The following TRIP4 variants were observed in gnomAD, a reference collection of about 807,000 sequenced individuals.
The protein encoded by TRIP4 is thyroid hormone receptor interactor 4.
TRIP4 carries 54 observed loss-of-function variants against 81.8 expected under a neutral mutation model. That is an observed-to-expected ratio of 0.66 (90% confidence interval 0.53 to 0.83). TRIP4 has a LOEUF of 0.83. TRIP4 is among the 40% of genes least tolerant of loss of function. TRIP4 has a pLI of 0.00. For missense variants in TRIP4, 662 were observed against 683.6 expected, an observed-to-expected ratio of 0.97 and a Z score of 0.35; for synonymous variants, 270 against 242.8, an observed-to-expected ratio of 1.11 and a Z score of -1.04.
In TRIP4 at chr15:64,394,050, C is replaced by T. The variant is rs766565168; in HGVS notation, c.206C>T (p.Thr69Ile). 12 of 1,610,964 alleles carry T rather than the reference C, an allele frequency of 7.4e-6. No individual in the cohort carries two copies. In the East Asian group the frequency reaches 2.2e-4, roughly 30 times the overall value. ...KKGQFIEELITKWQKNDQELI... is the reference protein window; with the variant it reads ...KKGQFIEELIIKWQKNDQELI... ...GGTCAATTCATAGAAGAACTTATAACCAAATGGCAAAAGAATGATCAGGAG... is the reference window on the plus strand; with the variant it reads ...GGTCAATTCATAGAAGAACTTATAATCAAATGGCAAAAGAATGATCAGGAG... Residue 69 changes from threonine to isoleucine, a missense_variant, in exon 2 of 13, where the codon ACC becomes ATC. Physicochemically the swap from Thr to Ile is moderately conservative, Grantham distance 89. Coordinates refer to ENST00000261884, the MANE Select transcript of TRIP4 (RefSeq NM_016213.5).
chr15:64,439,100 A>G (rs1423686217), intron 11 of TRIP4, among the ~76,000 whole-genome samples: 1 of 152,234 alleles, frequency 6.6e-6, no homozygotes, highest in Non-Finnish European at 1.5e-5. Flanking sequence ...TTCAGTCGTC[A>G]TCTGGTCAAA....
chr15:64,423,890 A>C, intron 9 of TRIP4, 141 bp from the exon 10 acceptor site: 1 of 943,832 alleles, frequency 1.1e-6, no homozygotes, highest in Middle Eastern at 3.4e-4. Context: ...GTTTTTGACA[A>C]AAGATACTGC....
chr15:64,430,652 T>A (rs1167431636), intron 11 of TRIP4, among the ~76,000 whole-genome samples: 1 of 152,218 alleles, frequency 6.6e-6, no homozygotes, highest in Non-Finnish European at 1.5e-5. Flanking sequence ...TTTGTGCTAT[T>A]TATATCCCTG....
chr15:64,409,922 T>A, intron 7 of TRIP4, 94 bp downstream of exon 7: 1 of 1,156,130 alleles, frequency 8.6e-7, no homozygotes, highest in Non-Finnish European at 1.2e-6. Context: ...TTTGTTGATT[T>A]AAAAAATGTG....
chr15:64,404,664 ATT>A, intron 5 of TRIP4, among the ~76,000 whole-genome samples: 2 of 152,038 alleles, frequency 1.3e-5, no homozygotes, highest in Admixed American at 1.3e-4. Flanking sequence ...TTTCAATTAG[ATT>A]TTAAGGTAAT....
At chr15:64,417,221 AG>A (rs1277130669) in intron 8 of TRIP4, among the ~76,000 whole-genome samples, 4 of 152,104 alleles carry the variant, frequency 2.6e-5, no homozygotes, top group Non-Finnish European at 5.9e-5. Flanking sequence ...CTTGTTGCCC[AG>A]GTTGGTCTTA....
At chr15:64,452,971 G>C (rs1280538701) in intron 12 of TRIP4, among the ~76,000 whole-genome samples, 2 of 152,076 alleles carry the variant, frequency 1.3e-5, no homozygotes, top group Non-Finnish European at 2.9e-5. Flanking sequence ...GATTGCTTGA[G>C]GTCAGGAGTT....
chr15:64,398,114 G>T (rs1423875382), intron 4 of TRIP4, among the ~76,000 whole-genome samples: 3 of 152,058 alleles, frequency 2.0e-5, no homozygotes, highest in African/African-American at 7.2e-5. Flanking sequence ...TGTTAGCCAG[G>T]ATGGTCTCGA....
chr15:64,398,569 C>G (rs1900363275), intron 4 of TRIP4, among the ~76,000 whole-genome samples: 1 of 151,978 alleles, frequency 6.6e-6, no homozygotes, highest in Non-Finnish European at 1.5e-5. Flanking sequence ...GACAGCGAGT[C>G]CTTATCTCAG....
At chr15:64,449,066 T>C (rs1423289587) in intron 12 of TRIP4, among the ~76,000 whole-genome samples, 1 of 151,910 alleles carries the variant, frequency 6.6e-6, no homozygotes, top group Non-Finnish European at 1.5e-5. Context: ...AAAAAAATTA[T>C]TCCAGTGTGG....
chr15:64,421,697 C>T lies in TRIP4; in HGVS notation c.1359-2334C>T, dbSNP rs541121520. On this transcript the variant is annotated intron_variant, in intron 9 of 12. Transcript: ENST00000261884. Reference sequence around the variant, plus strand: ...TACGCAAATAGTTAACCACTGTGCTCCAGCTGCCTACAGTATTCTGTACAG... The same window carrying T: ...TACGCAAATAGTTAACCACTGTGCTTCAGCTGCCTACAGTATTCTGTACAG... Among the ~76,000 whole-genome samples the T allele has an allele frequency of 8.5e-5, 13 of 152,250 alleles. No individual in the cohort carries two copies. In the South Asian group the frequency reaches 2.7e-3, roughly 32 times the overall value.
At chr15:64,418,996 A>T (rs773607241) in intron 9 of TRIP4, among the ~76,000 whole-genome samples, 1 of 152,136 alleles carries the variant, frequency 6.6e-6, no homozygotes, top group Non-Finnish European at 1.5e-5. Context: ...TAAGAAAGTC[A>T]TAACAAAGAT....
intron 11 of TRIP4, among the ~76,000 whole-genome samples, chr15:64,434,079 C>T (rs1892337407): frequency 6.6e-6 from 1 of 152,104 alleles, no homozygotes; most frequent in African/African-American, 2.4e-5. Flanking sequence ...TGAAACTAAT[C>T]TGCTTCTGGG....
At chr15:64,393,809 C>T (rs980089116) in intron 1 of TRIP4, 137 bp from the exon 2 acceptor site, 10 of 711,940 alleles carry the variant, frequency 1.4e-5, no homozygotes, top group African/African-American at 9.3e-5. Context: ...ATTTCTAGCA[C>T]CTAGCATAGT....
At chr15:64,434,348 G>A (rs569481462) in intron 11 of TRIP4, among the ~76,000 whole-genome samples, 5 of 148,796 alleles carry the variant, frequency 3.4e-5, no homozygotes, top group African/African-American at 9.9e-5. Context: ...GCAGTGAGTC[G>A]AGATTGTGCC....
chr15:64,393,074 G>A (rs959622832), intron 1 of TRIP4, among the ~76,000 whole-genome samples: 3 of 151,832 alleles, frequency 2.0e-5, no homozygotes, highest in Non-Finnish European at 2.9e-5. Flanking sequence ...TAGCACTATG[G>A]TAATAATTTT....
chr15:64,396,462 A>G (rs528285148), intron 3 of TRIP4, among the ~76,000 whole-genome samples: 1 of 152,056 alleles, frequency 6.6e-6, no homozygotes, highest in South Asian at 2.1e-4. Flanking sequence ...TATTTTTAGT[A>G]GAGATGGGGT....
rs79159151 is a variant in TRIP4 at position 64,395,622 on chromosome 15, A to G, written c.405+91A>G. On this transcript the variant is annotated intron_variant, in intron 3 of 12. Transcript: ENST00000261884. The stretch of plus-strand genomic sequence containing the variant: ...GAGAGCAAAGTGTACAAATTGGTCT[A>G]GAATGGCAATTTTTCAACAAATGCA... 570 of 1,390,596 alleles carry G rather than the reference A, an allele frequency of 4.1e-4. 2 individuals carry two copies. In the East Asian group the frequency reaches 0.013, roughly 33 times the overall value. The allele number at this position is 1,390,596 out of a possible 1,614,324, so 86.1% of individuals were successfully genotyped here. A position where few individuals can be genotyped will look rare whatever the true frequency, so the allele number is the denominator to read the frequency against.
At chr15:64,397,954 G>A in intron 4 of TRIP4, 136 bp downstream of exon 4, 1 of 924,268 alleles carries the variant, frequency 1.1e-6, no homozygotes, top group Non-Finnish European at 1.6e-6. Flanking sequence ...AGGCTGGAGT[G>A]CAGTGGCACG....
Sources: gnomAD v4.1 joint callset for allele counts (sites outside exome capture counted in the v4.1 genomes callset) on GRCh38, gnomAD v4.1.1 for gene constraint, MANE v1.5 for transcripts, NCBI Gene and HGNC (gene_info 2026-07-23, HGNC 2026-07-21) for gene names.